The following PEX14 variants were observed in gnomAD, a reference collection of about 807,000 sequenced individuals.
PEX14 encodes the protein peroxisomal membrane protein PEX14.
A neutral mutation model predicts 49.5 loss-of-function variants in PEX14; 15 were observed. The ratio of observed to expected loss-of-function variants is 0.30; its 90% CI spans 0.20 to 0.47. The LOEUF (loss-of-function observed/expected upper bound fraction) is 0.47, where lower values mean the gene tolerates loss of function less well. PEX14 is among the 20% of genes least tolerant of loss of function. PEX14 has a pLI of 1.00. For missense variants in PEX14, 398 were observed against 494.8 expected, an observed-to-expected ratio of 0.80 and a Z score of 1.86; for synonymous variants, 210 against 212.7, an observed-to-expected ratio of 0.99 and a Z score of 0.11.
At chr1:10,475,123 G>GC (rs914586118) in intron 1 of PEX14, 121 bp downstream of exon 1, 1 of 924,548 alleles carries the variant, frequency 1.1e-6, no homozygotes, top group African/African-American at 1.6e-5. Flanking sequence ...CCGACCTCTT[G>GC]CCCCCTCCTG....
At position 10,530,281 on chromosome 1, in the gene PEX14, T is replaced by C. The variant is rs1337113337; in HGVS notation, c.85-5932T>C. 2.6e-5 allele frequency among the ~76,000 whole-genome samples: 4 copies of C among 152,372 alleles called. No homozygotes were observed. The East Asian group carries it at 7.7e-4, about 29-fold the overall frequency. On this transcript the variant is annotated intron_variant, in intron 2 of 8. Coordinates refer to ENST00000356607, the MANE Select transcript of PEX14 (RefSeq NM_004565.3). ...AATAAAAGAGGAAAATGAATAGGTG[T>C]TGAACCAGCCCGTGATATGTAAATG... is the stretch of plus-strand genomic sequence containing the variant.
chr1:10,593,726 C>T (rs1049873580), intron 3 of PEX14, among the ~76,000 whole-genome samples: 2 of 152,014 alleles, frequency 1.3e-5, no homozygotes, highest in African/African-American at 2.4e-5. Flanking sequence ...GGGGGAGGCC[C>T]CATAAACAAG....
chr1:10,560,968 C>T (rs1639636927), intron 3 of PEX14, among the ~76,000 whole-genome samples: 2 of 152,066 alleles, frequency 1.3e-5, no homozygotes, highest in East Asian at 1.9e-4. Flanking sequence ...CGCCTGCCCT[C>T]GGCCTCCCAA....
intron 3 of PEX14, among the ~76,000 whole-genome samples, chr1:10,584,820 T>A (rs1640432053): frequency 6.6e-6 from 1 of 152,148 alleles, no homozygotes; most frequent in Admixed American, 6.5e-5. Flanking sequence ...AAAATGATCT[T>A]ACATGGAAAC....
chr1:10,527,541 G>C (rs1030468986), intron 2 of PEX14, among the ~76,000 whole-genome samples: 1 of 149,662 alleles, frequency 6.7e-6, no homozygotes, highest in African/African-American at 2.4e-5. Context: ...GAAAAAATTT[G>C]TTTCTAAATT....
At chr1:10,580,160 T>A (rs1367200467) in intron 3 of PEX14, among the ~76,000 whole-genome samples, 3 of 152,152 alleles carry the variant, frequency 2.0e-5, no homozygotes, top group Non-Finnish European at 4.4e-5. Flanking sequence ...TACTCATATA[T>A]TTATATGTAA....
rs146200557 is a variant in PEX14 at position 10,615,813 on chromosome 1, C to T, written c.299-2519C>T. 3.5e-3 allele frequency among the ~76,000 whole-genome samples: 539 copies of T among 152,232 alleles called. 12 individuals are homozygous for T. Among genetic ancestry groups the T allele is most frequent in the East Asian group, 9.5e-3 (49 of 5,180 alleles). Reference sequence around the variant, plus strand: ...AAAACAAGATTGAGAGATGGGGAAACGTGAAGGAAGAGAAGACATCCTGTG... The same window carrying T: ...AAAACAAGATTGAGAGATGGGGAAATGTGAAGGAAGAGAAGACATCCTGTG... On this transcript the variant is annotated intron_variant, in intron 4 of 8. Coordinates refer to ENST00000356607, the MANE Select transcript of PEX14 (RefSeq NM_004565.3).
In PEX14 at chr1:10,629,855, G is replaced by C; in HGVS notation, c.1002G>C (p.Val334=). The part of the protein sequence containing the change: ...EDEEDEEDDD[V]SHVDEEDCLG... ...AGGAGGATGAGGAGGATGATGATGTGAGCCATGTGGACGAGGAGGACTGCC... is the reference window on the plus strand; with the variant it reads ...AGGAGGATGAGGAGGATGATGATGTCAGCCATGTGGACGAGGAGGACTGCC... The change falls in exon 9 of 9, where the codon GTG becomes GTC. Residue 334 remains valine, a synonymous_variant. Transcript: ENST00000356607. The surrounding 1 kb of genome is among the most constrained non-coding windows in gnomAD (Gnocchi z 8.5). The C allele has an allele frequency of 1.2e-6, 2 of 1,610,906 alleles. No individual in the cohort carries two copies. The highest frequency in any genetic ancestry group is 1.7e-6 in the Non-Finnish European group (2 of 1,177,724).
intron 2 of PEX14, among the ~76,000 whole-genome samples, chr1:10,499,234 T>A (rs968370166): frequency 2.0e-5 from 3 of 152,240 alleles, no homozygotes; most frequent in Non-Finnish European, 4.4e-5. Flanking sequence ...TTCTCAATGT[T>A]CAGCAATACT....
intron 2 of PEX14, among the ~76,000 whole-genome samples, chr1:10,505,316 C>A (rs1309224831): frequency 6.6e-6 from 1 of 151,870 alleles, no homozygotes; most frequent in Non-Finnish European, 1.5e-5. Flanking sequence ...ATAAAAAATG[C>A]AAAAATTAGT....
At chr1:10,614,582 G>T (rs954583220) in intron 4 of PEX14, among the ~76,000 whole-genome samples, 1 of 152,228 alleles carries the variant, frequency 6.6e-6, no homozygotes, top group Non-Finnish European at 1.5e-5. Context: ...CTCATGGCGG[G>T]ATGTTTGCGG....
At chr1:10,534,290 T>TG (rs1308147576) in intron 2 of PEX14, among the ~76,000 whole-genome samples, 2 of 152,094 alleles carry the variant, frequency 1.3e-5, no homozygotes, top group Non-Finnish European at 2.9e-5. Context: ...GCGCTGACCC[T>TG]GGGGGCCAGT....
chr1:10,495,248 A>G lies in PEX14; in HGVS notation c.37-26A>G, dbSNP rs752001968. On this transcript the variant is annotated intron_variant, in intron 1 of 8. Coordinates refer to ENST00000356607, the MANE Select transcript of PEX14 (RefSeq NM_004565.3). This position sits in a 1 kb window ranked among gnomAD's most constrained non-coding sequence, Gnocchi z 4.2. The stretch of plus-strand genomic sequence containing the variant: ...GTCCATTGGGTGGCACTGTGATCTT[A>G]TTTTTGTTTCCATTTTTCTCTGCAG... The G allele has an allele frequency of 6.2e-7, 1 of 1,612,676 alleles. No individual in the cohort carries two copies.
At chr1:10,575,092 A>G (rs2124557485) in intron 3 of PEX14, among the ~76,000 whole-genome samples, 1 of 152,062 alleles carries the variant, frequency 6.6e-6, no homozygotes, top group East Asian at 1.9e-4. Context: ...AAAAAGGAAG[A>G]AAAGAAAAAA....
At chr1:10,571,954 C>A (rs1351870241) in intron 3 of PEX14, among the ~76,000 whole-genome samples, 1 of 152,112 alleles carries the variant, frequency 6.6e-6, no homozygotes, top group Non-Finnish European at 1.5e-5. Flanking sequence ...TTCCCTTCAA[C>A]CATCATCAGT....
chr1:10,550,952 G>A (rs547033658), intron 3 of PEX14, among the ~76,000 whole-genome samples: 1 of 152,176 alleles, frequency 6.6e-6, no homozygotes, highest in Middle Eastern at 3.2e-3. Context: ...TTCCATGAGG[G>A]CTTTCATCCT....
intron 2 of PEX14, among the ~76,000 whole-genome samples, chr1:10,516,158 G>A (rs1488702794): frequency 6.6e-6 from 1 of 152,212 alleles, no homozygotes; most frequent in Non-Finnish European, 1.5e-5. Flanking sequence ...CATCTGCACT[G>A]TGAAATACCC....
At chr1:10,486,767 A>G in intron 1 of PEX14, among the ~76,000 whole-genome samples, 1 of 148,958 alleles carries the variant, frequency 6.7e-6, no homozygotes, top group East Asian at 2.0e-4. Context: ...GGCTCACTGC[A>G]ACCTCCGCCT....
In PEX14 at chr1:10,523,637, A is replaced by G. The variant is rs533407017; in HGVS notation, c.85-12576A>G. Among the ~76,000 whole-genome samples the G allele has an allele frequency of 3.3e-3, 500 of 152,212 alleles. 2 individuals carry two copies. The highest frequency in any genetic ancestry group is 0.012 in the African/African-American group (488 of 41,518). On this transcript the variant is annotated intron_variant, in intron 2 of 8. Transcript: ENST00000356607. ...CAGTATTTGTGTAAGGTAAAAAAAA[A>G]AAAAAATCTTGTAGGAAAATTCTCT...
Sources: gnomAD v4.1 joint callset for allele counts (sites outside exome capture counted in the v4.1 genomes callset) on GRCh38, gnomAD v4.1.1 for gene constraint, Gnocchi (gnomAD v3.1) non-coding constraint, MANE v1.5 for transcripts, NCBI Gene and HGNC (gene_info 2026-07-23, HGNC 2026-07-21) for gene names.